DST: variants seen among roughly 807,000 people sequenced by gnomAD.
DST encodes the protein dystonin.
DST carries 253 observed loss-of-function variants against 875.2 expected under a neutral mutation model. The observed-to-expected ratio is 0.29, with a 90% confidence interval of 0.26 to 0.32. The LOEUF (loss-of-function observed/expected upper bound fraction) is 0.32. Ranked by LOEUF, DST falls within the 10% of genes least tolerant of loss-of-function variation. The pLI is 1.00. For synonymous variants in DST, 3,124 were observed against 3,197.1 expected, an observed-to-expected ratio of 0.98 and a Z score of 0.77; for missense variants, 8,287 against 9,111.6, an observed-to-expected ratio of 0.91 and a Z score of 3.68.
intron 3 of DST, among the ~76,000 whole-genome samples, chr6:56,886,343 G>A (rs1052879042): frequency 2.6e-5 from 4 of 152,196 alleles, no homozygotes; most frequent in African/African-American, 4.8e-5. Flanking sequence ...TACTCACTGA[G>A]GTTTAGTTTT....
chr6:56,919,008 C>G (rs778615575), intron 2 of DST, among the ~76,000 whole-genome samples: 1 of 151,198 alleles, frequency 6.6e-6, no homozygotes, highest in Non-Finnish European at 1.5e-5. Flanking sequence ...TTTTTTTCTC[C>G]GAATTATTTT....
chr6:56,828,125 A>C (rs2099782976), intron 4 of DST, among the ~76,000 whole-genome samples: 2 of 152,166 alleles, frequency 1.3e-5, no homozygotes, highest in Non-Finnish European at 2.9e-5. Flanking sequence ...GCATACTCTC[A>C]AAATGCAGGC....
In DST at chr6:56,568,546, T is replaced by A. The variant is rs147895709; in HGVS notation, c.13928A>T (p.Asn4643Ile). Residue 4643 changes from asparagine (N) to isoleucine (I), a missense_variant, in exon 55 of 104, where the codon AAC becomes ATC. By Grantham distance (149) the Asn-to-Ile change is moderately radical. Coordinates refer to ENST00000680361, the MANE Select transcript of DST (RefSeq NM_001374736.1). The part of the protein sequence containing the change: ...SLKTPEIQKV[N>I]NSGISLCNLI... ...GTTACATAGTGAGATCCCACTGTTG[T>A]TTACTTTCTGAATCTCTGGTGTTTT... 4.6e-5 allele frequency: 74 copies of A among 1,612,626 alleles called. No individual in the cohort carries two copies. The African/African-American group carries it at 9.1e-4, about 20-fold the overall frequency.
chr6:56,906,578 C>T (rs980037865), intron 2 of DST, among the ~76,000 whole-genome samples: 8 of 152,110 alleles, frequency 5.3e-5, no homozygotes, highest in Non-Finnish European at 1.0e-4. Context: ...GCTATGTAGA[C>T]GTCACACCTG....
chr6:56,597,436 GA>G (rs2098402505), intron 47 of DST, among the ~76,000 whole-genome samples: 1 of 152,096 alleles, frequency 6.6e-6, no homozygotes, highest in Non-Finnish European at 1.5e-5. Context: ...AAGACAAAAT[GA>G]GTTAAAATGG....
At chr6:56,908,134 T>G (rs1423707021) in intron 2 of DST, among the ~76,000 whole-genome samples, 1 of 150,450 alleles carries the variant, frequency 6.6e-6, no homozygotes, top group Non-Finnish European at 1.5e-5. Context: ...CACACATATA[T>G]GTATATATAA....
Position 56,608,308 on chromosome 6 carries a change from A to AT in DST, c.6319dup (p.Ile2107AsnfsTer19), listed in dbSNP as rs1258449079. The AT allele has an allele frequency of 2.5e-6, 4 of 1,613,194 alleles. No individual in the cohort carries two copies. The highest frequency in any genetic ancestry group is 2.2e-5 in the South Asian group (2 of 91,084). Reference sequence around the variant, plus strand: ...ACTTTCTGGAATATAAAGAGCAGCTATTTTTTGTCTGCCATTCAGGATTTT... The same window carrying AT: ...ACTTTCTGGAATATAAAGAGCAGCTATTTTTTTGTCTGCCATTCAGGATTTT... On this transcript the variant is annotated frameshift_variant, in exon 40 of 104. Transcript: ENST00000680361. LOFTEE classifies it high-confidence loss of function.
At position 56,482,882 on chromosome 6, in the gene DST, G is replaced by A; in HGVS notation, c.21208-5C>T. 6.7e-7 allele frequency: 1 copy of A among 1,492,168 alleles called. No individual in the cohort carries two copies. The highest frequency in any genetic ancestry group is 1.4e-5 in the South Asian group (1 of 69,050). The allele number at this position is 1,492,168 out of a possible 1,614,324, so 92.4% of individuals were successfully genotyped here. A position where few individuals can be genotyped will look rare whatever the true frequency, so the allele number is the denominator to read the frequency against. ...CCCCAACTCTTTTTGGAAGGCCTAA[G>A]AAGACCATATTTTGAAAAATTAATT... On this transcript the variant is annotated splice_region_variant and splice_polypyrimidine_tract_variant and intron_variant, in intron 88 of 103. Transcript: ENST00000680361.
chr6:56,802,499 T>C (rs2099748317), intron 4 of DST, among the ~76,000 whole-genome samples: 1 of 152,140 alleles, frequency 6.6e-6, no homozygotes, highest in Non-Finnish European at 1.5e-5. Flanking sequence ...ACACAAACTA[T>C]GAACATCCTA....
At chr6:56,724,448 A>G (rs1304995524) in intron 5 of DST, among the ~76,000 whole-genome samples, 2 of 152,234 alleles carry the variant, frequency 1.3e-5, no homozygotes, top group African/African-American at 4.8e-5. Flanking sequence ...AAAAATAATA[A>G]CAATAACACG....
At chr6:56,592,112 C>T in intron 49 of DST, 70 bp downstream of exon 49, 2 of 1,420,766 alleles carry the variant, frequency 1.4e-6, no homozygotes, top group Non-Finnish European at 1.9e-6. Flanking sequence ...GAAACTATCA[C>T]AAAAGTGTGA....
chr6:56,617,103 C>A, intron 36 of DST: 2 of 1,614,026 alleles, frequency 1.2e-6, no homozygotes, highest in Non-Finnish European at 1.7e-6. Context: ...ACTTCTTCAA[C>A]AGTCTTAAGA....
At chr6:56,829,196 A>C (rs2099784229) in intron 4 of DST, among the ~76,000 whole-genome samples, 1 of 152,256 alleles carries the variant, frequency 6.6e-6, no homozygotes, top group Non-Finnish European at 1.5e-5. Flanking sequence ...TATGGTGATC[A>C]CTTAGCCAAA....
intron 47 of DST, among the ~76,000 whole-genome samples, chr6:56,597,267 G>C (rs1322499309): frequency 2.6e-5 from 4 of 151,598 alleles, no homozygotes; most frequent in African/African-American, 9.7e-5. Context: ...TGTTCTCTTA[G>C]AACACAGATT....
At chr6:56,664,413 A>G (rs1252908416) in intron 10 of DST, among the ~76,000 whole-genome samples, 1 of 152,198 alleles carries the variant, frequency 6.6e-6, no homozygotes, top group Non-Finnish European at 1.5e-5. Flanking sequence ...GCAAACCCTT[A>G]AATAAGAGGA....
chr6:56,656,066 A>C (rs1427820331), intron 10 of DST, among the ~76,000 whole-genome samples: 1 of 152,226 alleles, frequency 6.6e-6, no homozygotes, highest in Non-Finnish European at 1.5e-5. Flanking sequence ...ATTCCTGGAG[A>C]TATGTTCCAT....
intron 2 of DST, among the ~76,000 whole-genome samples, chr6:56,918,681 T>A (rs1040065605): frequency 1.3e-5 from 2 of 152,220 alleles, no homozygotes; most frequent in Non-Finnish European, 2.9e-5. Flanking sequence ...AGTGCCTTTT[T>A]AATTCTATTA....
At chr6:56,849,134 A>ATTTTTTTTTT (rs755617631) in intron 4 of DST, among the ~76,000 whole-genome samples, 1 of 114,964 alleles carries the variant, frequency 8.7e-6, no homozygotes, top group African/African-American at 3.6e-5. Flanking sequence ...AATTCATGCA[A>ATTTTTTTTTT]TTTTTTTTTT....
intron 5 of DST, among the ~76,000 whole-genome samples, chr6:56,718,081 A>C (rs967248158): frequency 6.6e-5 from 10 of 152,060 alleles, no homozygotes; most frequent in Admixed American, 3.3e-4. Context: ...TGTCTTAAAT[A>C]AATAAATAAA....
Sources: gnomAD v4.1 joint callset for allele counts (sites outside exome capture counted in the v4.1 genomes callset) on GRCh38, gnomAD v4.1.1 for gene constraint, MANE v1.5 for transcripts, NCBI Gene and HGNC (gene_info 2026-07-23, HGNC 2026-07-21) for gene names.